HOPX: variants seen among roughly 807,000 people sequenced by gnomAD.
HOPX encodes the protein HOP homeobox.
In HOPX, 5 loss-of-function variants were observed where a neutral mutation model predicts 11.8. The ratio of observed to expected loss-of-function variants is 0.43; its 90% CI spans 0.22 to 0.89. HOPX has a LOEUF of 0.89. Among genes scored for constraint, HOPX ranks in the 40% least tolerant of loss-of-function variants. HOPX has a pLI of 0.28. For missense variants in HOPX, 119 were observed against 120.0 expected (o/e 0.99, Z 0.04); for synonymous variants, 49 against 49.7 (o/e 0.99, Z 0.06).
At chr4:56,648,985 T>G (rs992067706) in intron 3 of HOPX, 188 bp from the exon 4 acceptor site, 13 of 495,004 alleles carry the variant, frequency 2.6e-5, no homozygotes, top group African/African-American at 2.5e-4. Flanking sequence ...CTATTTCCTA[T>G]GTTTAGAATA....
chr4:56,667,433 T>G (rs972558405), intron 1 of HOPX, among the ~76,000 whole-genome samples: 1 of 150,978 alleles, frequency 6.6e-6, no homozygotes, highest in African/African-American at 2.4e-5. Flanking sequence ...GGACAAACTG[T>G]TTTTTTTTCT....
intron 1 of HOPX, among the ~76,000 whole-genome samples, chr4:56,673,764 C>T (rs952612139): frequency 6.6e-6 from 1 of 152,044 alleles, no homozygotes; most frequent in Non-Finnish European, 1.5e-5. Context: ...GAGTGCAGTG[C>T]TGTGATCTTG....
intron 1 of HOPX, among the ~76,000 whole-genome samples, chr4:56,667,469 ACT>A (rs1386128070): frequency 1.3e-5 from 2 of 152,022 alleles, no homozygotes; most frequent in Non-Finnish European, 2.9e-5. Flanking sequence ...CACAGGACTG[ACT>A]CTGTTGGAGA....
intron 1 of HOPX, among the ~76,000 whole-genome samples, chr4:56,662,021 C>G (rs1282540610): frequency 6.6e-6 from 1 of 151,644 alleles, no homozygotes; most frequent in Non-Finnish European, 1.5e-5. Flanking sequence ...GTCCCTCCCA[C>G]AAAAGTAAAT....
intron 1 of HOPX, among the ~76,000 whole-genome samples, chr4:56,678,280 C>A (rs1464955960): frequency 6.6e-6 from 1 of 151,330 alleles, no homozygotes; most frequent in African/African-American, 2.5e-5. Flanking sequence ...CTCTCTTTGG[C>A]CCTTACTGTC....
At chr4:56,662,217 C>T (rs1262896119) in intron 1 of HOPX, among the ~76,000 whole-genome samples, 1 of 152,228 alleles carries the variant, frequency 6.6e-6, no homozygotes, top group East Asian at 1.9e-4. Context: ...AATGCGCTTA[C>T]ATGTTTAAAC....
chr4:56,664,600 T>C (rs1210751758), intron 1 of HOPX: 2 of 151,610 alleles, frequency 1.3e-5, no homozygotes, highest in African/African-American at 4.9e-5. Context: ...TAAAAAAAAA[T>C]CCAATGCTGT....
chr4:56,651,301 A>G (rs1041542819), intron 3 of HOPX: 2 of 153,002 alleles, frequency 1.3e-5, no homozygotes, highest in African/African-American at 4.8e-5. Flanking sequence ...GAGGTCAAGA[A>G]AAGCTCAACT....
At chr4:56,659,497 A>T (rs1269940962) in intron 1 of HOPX, 1 of 152,232 alleles carries the variant, frequency 6.6e-6, no homozygotes, top group African/African-American at 2.4e-5. Context: ...ATTGAAAAAC[A>T]GAAGTTGAGT....
chr4:56,666,951 G>GA (rs1718471845), intron 1 of HOPX, among the ~76,000 whole-genome samples: 1 of 152,170 alleles, frequency 6.6e-6, no homozygotes, highest in African/African-American at 2.4e-5. Flanking sequence ...ATATCCTGGT[G>GA]AAATTTAATA....
intron 1 of HOPX, among the ~76,000 whole-genome samples, chr4:56,675,934 T>A (rs1718992491): frequency 6.6e-6 from 1 of 151,770 alleles, no homozygotes; most frequent in Non-Finnish European, 1.5e-5. Context: ...CCATAGGTCA[T>A]CCTTCTACCA....
intron 1 of HOPX, 182 bp downstream of exon 1, chr4:56,681,073 A>G: frequency 1.0e-6 from 1 of 985,070 alleles, no homozygotes; most frequent in Non-Finnish European, 1.2e-6. Flanking sequence ...TAAGGGACTG[A>G]TGTCTTACAC....
chr4:56,681,649 T>G (rs1719328949), upstream of HOPX: 1 of 1,000,016 alleles, frequency 1.0e-6, no homozygotes, highest in Admixed American at 6.2e-5. Context: ...ATCCACTTCC[T>G]TACTTTGAGC....
At chr4:56,656,189 C>G (rs555597291) in intron 2 of HOPX, 177 bp from the exon 3 acceptor site, 71 of 1,115,482 alleles carry the variant, frequency 6.4e-5, no homozygotes, top group African/African-American at 4.5e-4. Flanking sequence ...ACGGCTGCCC[C>G]CCACCCGGGC....
In HOPX at chr4:56,655,927, T is replaced by C; in HGVS notation, c.128A>G (p.Asp43Gly). The change falls in exon 3 of 4, where the codon GAC (aspartate) becomes GGC (glycine). Residue 43 changes from aspartate (D) to glycine (G), a missense_variant. By Grantham distance (94) the Asp-to-Gly change is moderately conservative. Coordinates refer to ENST00000420433, the MANE Select transcript of HOPX (RefSeq NM_032495.6). ...EILEYNFNKV[D>G]KHPDSTTLCL... ...CAGCGTGGTGGAATCCGGGTGCTTG[T>C]CGACCTTGTTGAAGTTGTACTCCAG... 1 of 1,611,982 alleles carries C rather than the reference T, an allele frequency of 6.2e-7. No homozygotes were observed. The highest frequency in any genetic ancestry group is 8.5e-7 in the Non-Finnish European group (1 of 1,179,124).
intron 3 of HOPX, among the ~76,000 whole-genome samples, chr4:56,654,861 G>A (rs983434813): frequency 1.3e-5 from 2 of 152,158 alleles, no homozygotes; most frequent in Admixed American, 1.3e-4. Flanking sequence ...TTAGAGTTGA[G>A]GTTAGAAGTG....
At chr4:56,668,983 T>G (rs1718586376) in intron 1 of HOPX, among the ~76,000 whole-genome samples, 1 of 152,214 alleles carries the variant, frequency 6.6e-6, no homozygotes, top group African/African-American at 2.4e-5. Flanking sequence ...CCAGTGAGAT[T>G]ATGCTCATGA....
intron 1 of HOPX, chr4:56,680,805 G>C (rs6857199): frequency 0.48 from 75,316 of 155,712 alleles, 18,384 homozygotes; most frequent in South Asian, 0.52. Context: ...TCCAGAGACA[G>C]CTCCCTCACT....
At chr4:56,650,191 A>G (rs1190263187) in intron 3 of HOPX, 2 of 155,812 alleles carry the variant, frequency 1.3e-5, no homozygotes, top group Admixed American at 6.5e-5. Context: ...AGCACCAATC[A>G]TCTGTAAATA....
Sources: allele counts gnomAD v4.1 joint callset (sites outside exome capture counted in the v4.1 genomes callset), GRCh38; gene constraint gnomAD v4.1.1; transcripts MANE v1.5; gene names NCBI Gene and HGNC (gene_info 2026-07-23, HGNC 2026-07-21).